Variants in EYA1 observed in about 807,000 individuals in gnomAD.
EYA1 encodes the protein protein phosphatase EYA1.
In EYA1, 16 loss-of-function variants were observed where a neutral mutation model predicts 82.0. The ratio of observed to expected loss-of-function variants is 0.20; its 90% CI spans 0.13 to 0.30. The LOEUF is 0.30. Ranked by LOEUF, EYA1 falls within the 10% of genes least tolerant of loss-of-function variation. EYA1 has a pLI of 1.00. For synonymous variants in EYA1, 261 were observed against 264.4 expected (o/e 0.99, Z 0.12); for missense variants, 633 against 730.7 (o/e 0.87, Z 1.54).
chr8:71,326,189 C>T (rs1166174594), intron 4 of EYA1, among the ~76,000 whole-genome samples: 21 of 152,106 alleles, frequency 1.4e-4, no homozygotes. Flanking sequence ...ATAATAATTA[C>T]AATCTTGGGA....
intron 2 of EYA1, among the ~76,000 whole-genome samples, chr8:71,466,342 T>G (rs1176416812): frequency 6.6e-6 from 1 of 151,918 alleles, no homozygotes; most frequent in African/African-American, 2.4e-5. Context: ...TCTGAAAAGT[T>G]TTTTTGAAAA....
intron 2 of EYA1, among the ~76,000 whole-genome samples, chr8:71,425,234 G>A (rs1805117936): frequency 6.6e-6 from 1 of 151,298 alleles, no homozygotes; most frequent in Admixed American, 6.6e-5. Flanking sequence ...AGGGAGCTGA[G>A]ATCATGCCAC....
intron 2 of EYA1, among the ~76,000 whole-genome samples, chr8:71,512,650 T>A (rs938355363): frequency 9.2e-5 from 14 of 151,848 alleles, no homozygotes; most frequent in South Asian, 4.2e-4. Flanking sequence ...GGACAGATTT[T>A]AAAAAAAATC....
chr8:71,299,837 C>A, intron 7 of EYA1, 117 bp from the exon 8 acceptor site: 1 of 715,706 alleles, frequency 1.4e-6, no homozygotes, highest in Admixed American at 2.0e-5. Context: ...ACACTAGAAT[C>A]TGTTGTCATG....
At chr8:71,215,271 TA>T in intron 16 of EYA1, 115 bp downstream of exon 16, 2 of 970,500 alleles carry the variant, frequency 2.1e-6, no homozygotes, top group Non-Finnish European at 3.2e-6. Context: ...ATTATTCTTG[TA>T]TTTTTTTTTT....
chr8:71,260,852 C>T (rs1252294133), intron 11 of EYA1, among the ~76,000 whole-genome samples: 1 of 152,140 alleles, frequency 6.6e-6, no homozygotes, highest in Non-Finnish European at 1.5e-5. Context: ...AAATCAAGGA[C>T]AAATCTTTGG....
intron 3 of EYA1, among the ~76,000 whole-genome samples, chr8:71,352,760 A>G (rs2129066706): frequency 6.6e-6 from 1 of 152,360 alleles, no homozygotes; most frequent in East Asian, 1.9e-4. Context: ...CAGTATTCCT[A>G]AATATGAATG....
At chr8:71,364,327 C>G (rs1332409648), upstream of EYA1, among the ~76,000 whole-genome samples, 1 of 151,844 alleles carries the variant, frequency 6.6e-6, no homozygotes, top group African/African-American at 2.4e-5. Context: ...ATGGTTACTA[C>G]TTTTGAATAT....
chr8:71,322,362 G>T, intron 4 of EYA1, 94 bp from the exon 5 acceptor site: 2 of 1,107,900 alleles, frequency 1.8e-6, no homozygotes, highest in Non-Finnish European at 2.7e-6. Flanking sequence ...CTATAGGTTG[G>T]CCATATGAAA....
At chr8:71,254,368 T>C (rs1202827733) in intron 11 of EYA1, among the ~76,000 whole-genome samples, 2 of 151,498 alleles carry the variant, frequency 1.3e-5, no homozygotes, top group Non-Finnish European at 2.9e-5. Context: ...TACAATAGGG[T>C]TGCTGTCAAG....
chr8:71,328,220 G>C (rs1055349013), intron 4 of EYA1, among the ~76,000 whole-genome samples: 3 of 152,164 alleles, frequency 2.0e-5, no homozygotes, highest in African/African-American at 7.2e-5. Context: ...AGAGCTAAAG[G>C]ACAGCTTGGA....
At chr8:71,269,870 A>G in intron 10 of EYA1, 47 bp from the exon 11 acceptor site, 1 of 1,473,262 alleles carries the variant, frequency 6.8e-7, no homozygotes, top group Non-Finnish European at 9.5e-7. Context: ...TGGCTGAGAA[A>G]GCTGTTATTC....
At chr8:71,203,275 G>A (rs1239171143) in intron 17 of EYA1, among the ~76,000 whole-genome samples, 2 of 152,196 alleles carry the variant, frequency 1.3e-5, no homozygotes, top group Non-Finnish European at 2.9e-5. Context: ...TCAAAACAAA[G>A]TCTGTTACCT....
chr8:71,387,311 G>A (rs781696703), intron 2 of EYA1, among the ~76,000 whole-genome samples: 3 of 152,168 alleles, frequency 2.0e-5, no homozygotes, highest in African/African-American at 4.8e-5. Context: ...ACAACATGAT[G>A]TCTTTATCAA....
intron 2 of EYA1, among the ~76,000 whole-genome samples, chr8:71,439,799 A>C (rs1010218353): frequency 1.3e-5 from 2 of 152,210 alleles, no homozygotes; most frequent in Non-Finnish European, 2.9e-5. Flanking sequence ...CTTAATCAGC[A>C]GTCAGACTCT....
At chr8:71,285,466 A>C (rs1409645719) in intron 9 of EYA1, among the ~76,000 whole-genome samples, 1 of 152,226 alleles carries the variant, frequency 6.6e-6, no homozygotes, top group African/African-American at 2.4e-5. Context: ...CATGACAGAG[A>C]AAGTGTACTC....
At chr8:71,387,125 A>G (rs1829010146) in intron 2 of EYA1, among the ~76,000 whole-genome samples, 2 of 152,158 alleles carry the variant, frequency 1.3e-5, no homozygotes, top group Non-Finnish European at 2.9e-5. Context: ...GACTTCTGTA[A>G]AGATAGACTA....
rs1194995142 is a variant in EYA1 at position 71,406,844 on chromosome 8, G to C, written c.34-50333C>G. Among the ~76,000 whole-genome samples, 530 of 143,206 alleles carry C rather than the reference G, an allele frequency of 3.7e-3. 5 individuals are homozygous for C. Among genetic ancestry groups the C allele is most frequent in the African/African-American group, 0.012 (488 of 39,114 alleles). The allele number at this position is 143,206 out of a possible 152,430, so 93.9% of individuals were successfully genotyped here. On this transcript the variant is annotated intron_variant, in intron 2 of 18. Coordinates refer to the EYA1 transcript ENST00000643681. ...GCTTGCTTAGGTAAACAAAGCAGCC[G>C]GGAAGCTCGAACTGGGTGGAGCCCA... is the stretch of plus-strand genomic sequence containing the variant.
chr8:71,405,709 T>C (rs1405297267), intron 2 of EYA1, among the ~76,000 whole-genome samples: 1 of 152,184 alleles, frequency 6.6e-6, no homozygotes, highest in Non-Finnish European at 1.5e-5. Context: ...ATTAAGCTTC[T>C]ATGATCTGGG....
Sources: gnomAD v4.1 joint callset for allele counts (sites outside exome capture counted in the v4.1 genomes callset) on GRCh38, gnomAD v4.1.1 for gene constraint, MANE v1.5 for transcripts, NCBI Gene and HGNC (gene_info 2026-07-23, HGNC 2026-07-21) for gene names.